Variants in SORCS3 observed in about 807,000 individuals in gnomAD.
SORCS3 encodes the protein VPS10 domain-containing receptor SorCS3.
In SORCS3, 57 loss-of-function variants were observed where a neutral mutation model predicts 146.3. That is an observed-to-expected ratio of 0.39 (90% CI 0.31 to 0.49). SORCS3 has a LOEUF of 0.49. Ranked by LOEUF, SORCS3 falls within the 20% of genes least tolerant of loss-of-function variation. SORCS3 has a pLI of 0.92. For synonymous variants in SORCS3, 653 were observed against 618.5 expected (o/e 1.06, Z -0.83); for missense variants, 1,341 against 1,575.5 (o/e 0.85, Z 2.52).
intron 2 of SORCS3, among the ~76,000 whole-genome samples, chr10:104,893,641 C>T (rs1404533382): frequency 6.6e-6 from 1 of 152,202 alleles, no homozygotes; most frequent in East Asian, 1.9e-4. Context: ...TTAACTGGTC[C>T]TTTGTAGAGT....
At chr10:105,022,649 C>G (rs1589598161) in intron 4 of SORCS3, among the ~76,000 whole-genome samples, 1 of 152,110 alleles carries the variant, frequency 6.6e-6, no homozygotes, top group East Asian at 1.9e-4. Flanking sequence ...TCCCAATTGT[C>G]AAGAAATGAC....
chr10:104,766,772 C>G (rs1021075919), intron 1 of SORCS3, among the ~76,000 whole-genome samples: 1 of 152,178 alleles, frequency 6.6e-6, no homozygotes, highest in Non-Finnish European at 1.5e-5. Context: ...TGTGGGGCCA[C>G]GGTACCTCTG....
intron 1 of SORCS3, among the ~76,000 whole-genome samples, chr10:104,801,787 C>A (rs577235165): frequency 6.6e-6 from 1 of 152,160 alleles, no homozygotes; most frequent in Admixed American, 6.5e-5. Context: ...TTTACAGATA[C>A]GTAAACTCTT....
intron 20 of SORCS3, among the ~76,000 whole-genome samples, chr10:105,230,509 G>T: frequency 6.6e-6 from 1 of 152,152 alleles, no homozygotes; most frequent in Non-Finnish European, 1.5e-5. Context: ...CACCTCATTG[G>T]CAACTGGTTC....
chr10:104,661,793 A>G (rs757622416), intron 1 of SORCS3, among the ~76,000 whole-genome samples: 16 of 152,226 alleles, frequency 1.1e-4, no homozygotes, highest in Middle Eastern at 3.2e-3. Context: ...ACTGTGATCG[A>G]TGATGAACAA....
intron 11 of SORCS3, 89 bp from the exon 12 acceptor site, chr10:105,164,214 C>A: frequency 1.1e-6 from 1 of 947,084 alleles, no homozygotes; most frequent in Non-Finnish European, 1.7e-6. Flanking sequence ...ACTTAGAAAA[C>A]CTTTACTCTC....
At chr10:104,672,950 T>A (rs1024008142) in intron 1 of SORCS3, among the ~76,000 whole-genome samples, 1 of 152,352 alleles carries the variant, frequency 6.6e-6, no homozygotes, top group Non-Finnish European at 1.5e-5. Context: ...CATTAAGTAT[T>A]CATAACTGTT....
At chr10:104,772,496 A>G (rs951006239) in intron 1 of SORCS3, among the ~76,000 whole-genome samples, 1 of 152,206 alleles carries the variant, frequency 6.6e-6, no homozygotes, top group Admixed American at 6.5e-5. Context: ...TACTCTTAAC[A>G]ATGTCTGCTG....
At chr10:105,161,661 T>C (rs1208610966) in intron 11 of SORCS3, among the ~76,000 whole-genome samples, 1 of 152,200 alleles carries the variant, frequency 6.6e-6, no homozygotes, top group African/African-American at 2.4e-5. Flanking sequence ...GGTTTCAAGC[T>C]AGTAATAAAG....
intron 16 of SORCS3, among the ~76,000 whole-genome samples, chr10:105,208,803 G>A (rs1295904611): frequency 1.3e-5 from 2 of 152,072 alleles, no homozygotes. Context: ...TTAACTGTGA[G>A]CTCTCATGGG....
At chr10:104,788,251 G>C (rs1044962275) in intron 1 of SORCS3, among the ~76,000 whole-genome samples, 1 of 152,148 alleles carries the variant, frequency 6.6e-6, no homozygotes, top group African/African-American at 2.4e-5. Context: ...TTGCATTGTG[G>C]GTTCTGAGGA....
intron 5 of SORCS3, among the ~76,000 whole-genome samples, chr10:105,049,223 G>A (rs1055926534): frequency 6.6e-6 from 1 of 152,050 alleles, no homozygotes; most frequent in Admixed American, 6.6e-5. Flanking sequence ...TTACAAAGAA[G>A]CATTACATCA....
intron 5 of SORCS3, among the ~76,000 whole-genome samples, chr10:105,078,523 A>G (rs2055603096): frequency 6.6e-6 from 1 of 152,204 alleles, no homozygotes; most frequent in Admixed American, 6.5e-5. Flanking sequence ...CTGAAAAAAA[A>G]GAAAAAAAGA....
At chr10:104,899,923 A>G (rs1486997368) in intron 2 of SORCS3, among the ~76,000 whole-genome samples, 1 of 152,028 alleles carries the variant, frequency 6.6e-6, no homozygotes, top group African/African-American at 2.4e-5. Flanking sequence ...TGCCTAGCTG[A>G]TATGGGGCAC....
intron 1 of SORCS3, among the ~76,000 whole-genome samples, chr10:104,784,850 C>T (rs550473387): frequency 1.3e-5 from 2 of 152,200 alleles, no homozygotes; most frequent in South Asian, 2.1e-4. Context: ...CTTGGGCTGA[C>T]AGGGCTTTGC....
intron 4 of SORCS3, among the ~76,000 whole-genome samples, chr10:104,983,231 C>T (rs2054941811): frequency 6.6e-6 from 1 of 151,854 alleles, no homozygotes; most frequent in South Asian, 2.1e-4. Context: ...AAGCTCTTGA[C>T]CTCAGGTGAT....
intron 8 of SORCS3, among the ~76,000 whole-genome samples, chr10:105,144,386 C>T (rs769002304): frequency 2.6e-5 from 4 of 152,176 alleles, no homozygotes; most frequent in South Asian, 2.1e-4. Flanking sequence ...TCTCTATTTC[C>T]GTTGTCTGAC....
chr10:104,765,977 C>T (rs1228312824), intron 1 of SORCS3, among the ~76,000 whole-genome samples: 1 of 152,208 alleles, frequency 6.6e-6, no homozygotes, highest in Admixed American at 6.5e-5. Context: ...TTGGTATCCA[C>T]AGCTACTAAC....
chr10:104,865,688 C>T (rs548419713), intron 2 of SORCS3, among the ~76,000 whole-genome samples: 3 of 152,130 alleles, frequency 2.0e-5, no homozygotes, highest in Admixed American at 6.5e-5. Flanking sequence ...GGCTTTCACC[C>T]GGGAGAAACC....
Sources: allele counts gnomAD v4.1 joint callset (sites outside exome capture counted in the v4.1 genomes callset), GRCh38; gene constraint gnomAD v4.1.1; transcripts MANE v1.5; gene names NCBI Gene and HGNC (gene_info 2026-07-23, HGNC 2026-07-21).